Variants in ZBTB37 observed in about 807,000 individuals in gnomAD.
ZBTB37 encodes zinc finger and BTB domain containing 37.
ZBTB37 carries 15 observed loss-of-function variants against 37.7 expected under a neutral mutation model. The observed-to-expected ratio is 0.40, with a 90% CI of 0.27 to 0.61. ZBTB37 has a LOEUF of 0.61. Among genes scored for constraint, ZBTB37 ranks in the 20% least tolerant of loss-of-function variants. The pLI, the probability that ZBTB37 is intolerant of heterozygous loss-of-function variation, is 0.44. For synonymous variants in ZBTB37, 231 were observed against 220.6 expected (o/e 1.05, Z -0.42); for missense variants, 514 against 641.9 (o/e 0.80, Z 2.15).
chr1:173,887,273 A>G (rs1465061121), downstream of ZBTB37: 7 of 152,246 alleles, frequency 4.6e-5, no homozygotes, highest in Admixed American at 3.9e-4. Context: ...TTTCAGGCAT[A>G]TAGAAGGACC....
chr1:173,872,128 G>T (rs1655608142), intron 3 of ZBTB37, among the ~76,000 whole-genome samples: 1 of 152,136 alleles, frequency 6.6e-6, no homozygotes, highest in Admixed American at 6.5e-5. Flanking sequence ...GAGTGCAGTG[G>T]TGCGATCTCG....
rs1160364347 is a variant in ZBTB37 at position 173,882,237 on chromosome 1, CTTTTTTT to C, written c.1024-3383_1024-3377del. 9.1e-5 allele frequency among the ~76,000 whole-genome samples: 8 copies of C among 87,970 alleles called. 1 individual carries two copies. Among genetic ancestry groups the C allele is most frequent in the Admixed American group, 5.3e-4 (4 of 7,496 alleles). The allele number at this position is 87,970 out of a possible 152,430, so 57.7% of individuals were successfully genotyped here. On this transcript the variant is annotated intron_variant, in intron 4 of 4. Coordinates refer to ENST00000427304, the Ensembl canonical transcript of ZBTB37. ...TGCCTATTCACTCTGATGGTAGTTTCTTTTTTTTTTTTTTTTTTTTTTGAGACAGAGT... is the reference window on the plus strand; with the variant it reads ...TGCCTATTCACTCTGATGGTAGTTTCTTTTTTTTTTTTTTTGAGACAGAGT...
downstream of ZBTB37, chr1:173,888,995 G>C (rs1656736648): frequency 6.6e-6 from 1 of 152,024 alleles, no homozygotes; most frequent in Non-Finnish European, 1.5e-5. Flanking sequence ...TTCCTATATT[G>C]ATACTGTGAA....
At chr1:173,892,847 G>A (rs964334617) in exon 4 of ZBTB37, 3 of 152,144 alleles carry the variant, frequency 2.0e-5, no homozygotes, top group Non-Finnish European at 4.4e-5. Flanking sequence ...CGTCTTTCAT[G>A]TCTACTCAAT....
exon 3 of ZBTB37, chr1:173,870,916 G>A: frequency 6.2e-7 from 1 of 1,614,190 alleles, no homozygotes; most frequent in Non-Finnish European, 8.5e-7. Context: ...GGACCGTGGG[G>A]GTCGGAGTGA....
downstream of ZBTB37, chr1:173,889,600 C>T (rs576805637): frequency 1.3e-5 from 2 of 152,290 alleles, no homozygotes; most frequent in South Asian, 4.1e-4. Context: ...TGTCTGAACT[C>T]TAATACCAGT....
At chr1:173,890,807 T>C (rs1373730275), downstream of ZBTB37, 1 of 152,208 alleles carries the variant, frequency 6.6e-6, no homozygotes, top group African/African-American at 2.4e-5. Context: ...GCCTTCTTTC[T>C]ACTACAATGG....
chr1:173,895,500 A>G (rs1657010038), exon 4 of ZBTB37: 1 of 152,200 alleles, frequency 6.6e-6, no homozygotes, highest in African/African-American at 2.4e-5. Context: ...GAAACATTGC[A>G]TGGCTGCTGA....
chr1:173,883,576 C>CT (rs1388051623), intron 4 of ZBTB37, among the ~76,000 whole-genome samples: 1 of 152,184 alleles, frequency 6.6e-6, no homozygotes, highest in Admixed American at 6.6e-5. Context: ...AGAAGACAGC[C>CT]TTAGAGAAGT....
At chr1:173,891,564 T>C (rs1557894060), downstream of ZBTB37, 1 of 152,184 alleles carries the variant, frequency 6.6e-6, no homozygotes. Flanking sequence ...TGTTCATTCT[T>C]AGTGTTCAGA....
chr1:173,886,294 G>C, exon 5 of ZBTB37: 2 of 1,053,170 alleles, frequency 1.9e-6, no homozygotes, highest in East Asian at 2.7e-5. Flanking sequence ...AGCACTAAAG[G>C]CTCCTCCCTT....
intron 4 of ZBTB37, among the ~76,000 whole-genome samples, chr1:173,879,126 T>C (rs1656154090): frequency 6.6e-6 from 1 of 151,972 alleles, no homozygotes. Context: ...TTTATTCTCT[T>C]TCTTGGCTTC....
chr1:173,870,356 G>C lies in ZBTB37; in HGVS notation c.131G>C (p.Arg44Pro), dbSNP rs751174723. The C allele has an allele frequency of 7.4e-6, 12 of 1,614,016 alleles. No homozygotes were observed. In the Admixed American group the frequency reaches 1.3e-4, roughly 18 times the overall value. ...GTCAATGTGCAAGGACAAGCTTTTC[G>C]GGCTCACAAAGTGGTGCTGGCTGCC... Residue 44 changes from arginine (R) to proline (P), a missense_variant, in exon 3 of 5, where the codon CGG (arginine) becomes CCG (proline). By Grantham distance (103) the Arg-to-Pro change is moderately radical. Around this residue, in one of 3 missense-constraint regions of ZBTB37, gnomAD observed 105 missense variants for 158.1 expected, o/e 0.66. Coordinates refer to ENST00000427304, the Ensembl canonical transcript of ZBTB37.
intron 3 of ZBTB37, among the ~76,000 whole-genome samples, chr1:173,871,794 C>T (rs1039248828): frequency 4.6e-5 from 7 of 152,118 alleles, no homozygotes; most frequent in Admixed American, 2.0e-4. Context: ...ATGCCCCATG[C>T]CTCACTTTTC....
At chr1:173,894,809 T>A (rs577487931) in exon 4 of ZBTB37, 1 of 152,334 alleles carries the variant, frequency 6.6e-6, no homozygotes, top group Non-Finnish European at 1.5e-5. Context: ...TTTTTTGTTT[T>A]GTTTTGTTTT....
chr1:173,883,575 C>T (rs1656455004), intron 4 of ZBTB37, among the ~76,000 whole-genome samples: 1 of 152,180 alleles, frequency 6.6e-6, no homozygotes, highest in African/African-American at 2.4e-5. Flanking sequence ...GAGAAGACAG[C>T]CTTAGAGAAG....
chr1:173,882,460 T>A (rs1656384933), intron 4 of ZBTB37, among the ~76,000 whole-genome samples: 1 of 152,054 alleles, frequency 6.6e-6, no homozygotes, highest in South Asian at 2.1e-4. Context: ...CAGGATGGTC[T>A]CGATCTGCTG....
chr1:173,901,872 G>A (rs965901987), exon 4 of ZBTB37: 2 of 152,154 alleles, frequency 1.3e-5, no homozygotes, highest in Non-Finnish European at 2.9e-5. Context: ...CCTTCAGATG[G>A]ACATAGTCTG....
intron 4 of ZBTB37, among the ~76,000 whole-genome samples, chr1:173,878,453 CTA>C (rs1050988305): frequency 6.6e-6 from 1 of 152,014 alleles, no homozygotes; most frequent in African/African-American, 2.4e-5. Flanking sequence ...AAGAGTCAGC[CTA>C]TGTTACAGAA....
Sources: allele counts gnomAD v4.1 joint callset (sites outside exome capture counted in the v4.1 genomes callset), GRCh38; gene constraint gnomAD v4.1.1; regional missense constraint gnomAD v4.1.1; transcripts MANE v1.5; gene names NCBI Gene and HGNC (gene_info 2026-07-23, HGNC 2026-07-21).